STMN3: variants seen among roughly 807,000 people sequenced by gnomAD.
STMN3 encodes stathmin 3.
In STMN3, 24 loss-of-function variants were observed where a neutral mutation model predicts 23.2. The observed-to-expected ratio is 1.03, with a 90% CI of 0.75 to 1.45. The LOEUF is 1.45. Among genes scored for constraint, STMN3 ranks in the 40% most tolerant of loss-of-function variants. STMN3 has a pLI of 0.00. For synonymous variants in STMN3, 117 were observed against 103.4 expected (o/e 1.13, Z -0.80); for missense variants, 235 against 237.6 (o/e 0.99, Z 0.07).
chr20:63,641,457 C>T, intron 4 of STMN3, 60 bp from the exon 5 acceptor site: 2 of 1,433,670 alleles, frequency 1.4e-6, no homozygotes, highest in Admixed American at 2.0e-5. Flanking sequence ...ACTCCGGGAA[C>T]CCCCAGGCGC....
chr20:63,651,502 A>T (rs112075656), intron 1 of STMN3, among the ~76,000 whole-genome samples: 4 of 152,034 alleles, frequency 2.6e-5, no homozygotes, highest in African/African-American at 9.7e-5. Flanking sequence ...GGTCACTGTC[A>T]CCCAGGCTGC....
At chr20:63,644,473 C>G (rs2146115911) in intron 1 of STMN3, among the ~76,000 whole-genome samples, 164 bp from the exon 2 acceptor site, 1 of 152,276 alleles carries the variant, frequency 6.6e-6, no homozygotes, top group Non-Finnish European at 1.5e-5. Flanking sequence ...GTCTCTCCAG[C>G]TCTCTCGCTT....
At chr20:63,642,749 A>G (rs547452755) in intron 3 of STMN3, among the ~76,000 whole-genome samples, 3 of 152,244 alleles carry the variant, frequency 2.0e-5, no homozygotes, top group Admixed American at 2.0e-4. Flanking sequence ...CCAGCTCCCA[A>G]TTAGGTGCCC....
At chr20:63,645,333 C>T (rs935854792) in intron 1 of STMN3, among the ~76,000 whole-genome samples, 2 of 151,930 alleles carry the variant, frequency 1.3e-5, no homozygotes, top group African/African-American at 4.8e-5. Flanking sequence ...TGAGATGAAA[C>T]CAGGCCCTCT....
chr20:63,641,160 G>A lies in STMN3; in HGVS notation c.*178C>T, dbSNP rs1272163744. ...CCCGGCGGCTCCTGCAGGGGAAGCC[G>A]TGGTCAGCGACTCACCACGAGGACA... On this transcript the variant is annotated 3_prime_UTR_variant, in exon 5 of 5. Transcript: ENST00000370053. The A allele has an allele frequency of 1.5e-6, 1 of 669,984 alleles. No individual in the cohort carries two copies. The highest frequency in any genetic ancestry group is 2.1e-5 in the Admixed American group (1 of 47,400). 41.5% of individuals were successfully genotyped at this position (669,984 alleles called of 1,614,324 possible). A position where few individuals can be genotyped will look rare whatever the true frequency, so the allele number is the denominator to read the frequency against.
In STMN3 at chr20:63,644,312, G is replaced by A. The variant is rs771585835; in HGVS notation, c.20-3C>T. The A allele has an allele frequency of 1.5e-5, 24 of 1,609,694 alleles. No homozygotes were observed. In the Admixed American group the frequency reaches 2.2e-4, roughly 15 times the overall value. ...CTCCTTCATCTTCTCCTTGTAGGCTGTGGGCACAAGGCTGGGCTGAGCAAG... is the reference window on the plus strand; with the variant it reads ...CTCCTTCATCTTCTCCTTGTAGGCTATGGGCACAAGGCTGGGCTGAGCAAG... On this transcript the variant is annotated splice_region_variant and splice_polypyrimidine_tract_variant and intron_variant, in intron 1 of 4. Coordinates refer to ENST00000370053, the MANE Select transcript of STMN3 (RefSeq NM_015894.4).
chr20:63,642,615 G>C (rs527337519), intron 3 of STMN3, among the ~76,000 whole-genome samples: 2 of 152,174 alleles, frequency 1.3e-5, no homozygotes, highest in African/African-American at 4.8e-5. Flanking sequence ...ACCCTGCCCT[G>C]CGCGTCTGCC....
At chr20:63,647,946 G>GTGTGTC (rs2089828683) in intron 1 of STMN3, among the ~76,000 whole-genome samples, 6 of 83,232 alleles carry the variant, frequency 7.2e-5, no homozygotes, top group Non-Finnish European at 1.2e-4. Context: ...ATGTGTGTGT[G>GTGTGTC]TGTATATATA....
At chr20:63,651,662 T>G (rs976825492) in intron 1 of STMN3, among the ~76,000 whole-genome samples, 1 of 152,188 alleles carries the variant, frequency 6.6e-6, no homozygotes, top group Non-Finnish European at 1.5e-5. Context: ...CCAAGCACCT[T>G]TCCTGAAATA....
intron 3 of STMN3, among the ~76,000 whole-genome samples, chr20:63,642,538 C>T (rs1301989242): frequency 1.3e-5 from 2 of 152,086 alleles, no homozygotes; most frequent in African/African-American, 4.8e-5. Context: ...CCCGTCCCTG[C>T]CTCGCGCGCG....
chr20:63,644,202 C>T lies in STMN3; in HGVS notation c.115+12G>A, dbSNP rs772868182. ...CACCGCAGGGAAGGGCAGGCGGCAG[C>T]CAGGCACTCACCCCCGTACTGGTAG... On this transcript the variant is annotated intron_variant, in intron 2 of 4. Coordinates refer to ENST00000370053, the MANE Select transcript of STMN3 (RefSeq NM_015894.4). The T allele has an allele frequency of 3.1e-6, 5 of 1,611,136 alleles. No individual in the cohort carries two copies. Among genetic ancestry groups the T allele is most frequent in the Non-Finnish European group, 4.2e-6 (5 of 1,178,082 alleles).
intron 1 of STMN3, among the ~76,000 whole-genome samples, chr20:63,651,385 C>T (rs910003351): frequency 7.9e-5 from 12 of 152,106 alleles, no homozygotes; most frequent in African/African-American, 2.4e-4. Flanking sequence ...TGGGAGCTCG[C>T]GGAGGTGGGG....
At chr20:63,647,821 AAT>A (rs1199445021) in intron 1 of STMN3, among the ~76,000 whole-genome samples, 4 of 128,468 alleles carry the variant, frequency 3.1e-5, no homozygotes, top group Admixed American at 8.3e-5. Flanking sequence ...GTGTATATAT[AAT>A]ATATATACGT....
At chr20:63,642,907 G>A (rs2089780314) in intron 3 of STMN3, among the ~76,000 whole-genome samples, 1 of 152,154 alleles carries the variant, frequency 6.6e-6, no homozygotes, top group African/African-American at 2.4e-5. Context: ...GGAAGGGAAC[G>A]GAGCCGCTTC....
At chr20:63,641,475 G>C in intron 4 of STMN3, 78 bp from the exon 5 acceptor site, 1 of 1,267,684 alleles carries the variant, frequency 7.9e-7, no homozygotes, top group Admixed American at 2.1e-5. Context: ...CGCGCAGGCC[G>C]TGGCGCCCTG....
chr20:63,647,602 T>C (rs1212409655), intron 1 of STMN3, among the ~76,000 whole-genome samples: 2 of 146,094 alleles, frequency 1.4e-5, no homozygotes, highest in East Asian at 4.0e-4. Flanking sequence ...GGTGACAGAG[T>C]GAGACTCTGT....
At chr20:63,653,146 G>T (rs934288495) in intron 1 of STMN3, among the ~76,000 whole-genome samples, 181 bp downstream of exon 1, 1 of 151,256 alleles carries the variant, frequency 6.6e-6, no homozygotes, top group Non-Finnish European at 1.5e-5. Context: ...GCAGCCCAGC[G>T]CCCCACCAGC....
chr20:63,643,487 G>A (rs1171054492), intron 3 of STMN3, among the ~76,000 whole-genome samples: 1 of 152,118 alleles, frequency 6.6e-6, no homozygotes, highest in Non-Finnish European at 1.5e-5. Context: ...CACCATGTTG[G>A]CCAGGCTGAT....
At chr20:63,641,626 C>G (rs1409122054) in intron 4 of STMN3, among the ~76,000 whole-genome samples, 1 of 152,206 alleles carries the variant, frequency 6.6e-6, no homozygotes, top group Admixed American at 6.5e-5. Context: ...GCTTCTAGCT[C>G]GTACCGGAGC....
Sources: gnomAD v4.1 joint callset for allele counts (sites outside exome capture counted in the v4.1 genomes callset) on GRCh38, gnomAD v4.1.1 for gene constraint, MANE v1.5 for transcripts, NCBI Gene and HGNC (gene_info 2026-07-23, HGNC 2026-07-21) for gene names.